FCSK: variants seen among roughly 807,000 people sequenced by gnomAD.
FCSK encodes L-fucose kinase.
A neutral mutation model predicts 122.5 loss-of-function variants in FCSK; 123 were observed. The observed-to-expected ratio is 1.00, with a 90% confidence interval of 0.87 to 1.17. FCSK has a LOEUF of 1.17. FCSK is among the 50% of genes most tolerant of loss of function. The pLI is 0.00. For synonymous variants in FCSK, 620 were observed against 625.5 expected (o/e 0.99, Z 0.13); for missense variants, 1,366 against 1,450.4 (o/e 0.94, Z 0.95).
chr16:70,465,564 G>A (rs2048391346), intron 4 of FCSK, among the ~76,000 whole-genome samples: 2 of 151,610 alleles, frequency 1.3e-5, no homozygotes, highest in Non-Finnish European at 1.5e-5. Context: ...AGGCTGAGGT[G>A]GGAGGATCAC....
rs539854331 is a variant in FCSK, at chr16:70,476,781, G to A, written c.2641+1014G>A. The stretch of plus-strand genomic sequence containing the variant: ...TAATCGGTAGTCATTAGCAAAAGGA[G>A]CAGATGGGGAAGCATTTTCAGTTTT... On this transcript the variant is annotated intron_variant, in intron 20 of 23. Coordinates refer to ENST00000288078, the MANE Select transcript of FCSK (RefSeq NM_145059.3). Among the ~76,000 whole-genome samples, 22 of 152,336 alleles carry A rather than the reference G, an allele frequency of 1.4e-4. No homozygotes were observed. In the South Asian group the frequency reaches 4.3e-3, roughly 30 times the overall value.
rs377718437 is a variant in FCSK, at chr16:70,475,312, C to G, written c.2378-38C>G. On this transcript the variant is annotated intron_variant, in intron 18 of 23. Coordinates refer to ENST00000288078, the MANE Select transcript of FCSK (RefSeq NM_145059.3). ...TGGGTGGGTGCCTGCGTCTGCCCAT[C>G]GAGACTGAATTCCTTTCTCATGCCT... The G allele has an allele frequency of 1.4e-5, 22 of 1,603,182 alleles. No individual in the cohort carries two copies. In the African/African-American group the frequency reaches 2.4e-4, roughly 18 times the overall value.
rs910880859 is a variant in FCSK at position 70,478,175 on chromosome 16, C to T, written c.2642-97C>T. ...GGAGTTGAGGGAAGCTATCTTTCCA[C>T]ACTGGTCCCAGCAAGGGGTGCAGGG... On this transcript the variant is annotated intron_variant, in intron 20 of 23. Coordinates refer to ENST00000288078, the MANE Select transcript of FCSK (RefSeq NM_145059.3). The T allele has an allele frequency of 5.6e-6, 7 of 1,245,618 alleles. No homozygotes were observed. In the African/African-American group the frequency reaches 9.0e-5, roughly 16 times the overall value. 77.2% of individuals were successfully genotyped at this position (1,245,618 alleles called of 1,614,324 possible). A position where few individuals can be genotyped will look rare whatever the true frequency, so the allele number is the denominator to read the frequency against.
chr16:70,470,526 C>G, intron 11 of FCSK, 100 bp downstream of exon 11: 2 of 746,564 alleles, frequency 2.7e-6, no homozygotes, highest in Non-Finnish European at 4.6e-6. Flanking sequence ...ACAGATGACC[C>G]GAGTGCAGGT....
intron 2 of FCSK, 38 bp downstream of exon 2, chr16:70,463,310 A>G (rs771135505): frequency 6.4e-7 from 1 of 1,553,306 alleles, no homozygotes; most frequent in East Asian, 2.3e-5. Flanking sequence ...CCTAATGGAG[A>G]ACCTCCCTCC....
intron 1 of FCSK, among the ~76,000 whole-genome samples, chr16:70,456,264 A>AGCTAT (rs1314890630): frequency 6.6e-6 from 1 of 152,242 alleles, no homozygotes; most frequent in Non-Finnish European, 1.5e-5. Flanking sequence ...CCAACCTAAT[A>AGCTAT]GCTATGTTTC....
At chr16:70,466,628 T>G (rs2048426209) in intron 5 of FCSK, 8 of 530,938 alleles carry the variant, frequency 1.5e-5, no homozygotes, top group Non-Finnish European at 2.7e-5. Context: ...GCCCAGGAGT[T>G]TGAGGCTGCA....
At chr16:70,470,462 G>A in intron 11 of FCSK, 36 bp downstream of exon 11, 2 of 1,345,560 alleles carry the variant, frequency 1.5e-6, no homozygotes, top group Admixed American at 1.8e-5. Flanking sequence ...CCTGCTGGTT[G>A]TCTGGGGTCA....
chr16:70,471,021 G>A lies in FCSK; in HGVS notation c.1119G>A (p.Glu373=), dbSNP rs375278651. 62 of 1,602,856 alleles carry A rather than the reference G, an allele frequency of 3.9e-5. No homozygotes were observed. In the African/African-American group the frequency reaches 7.7e-4, roughly 20 times the overall value. The change falls in exon 12 of 24, where the codon GAG becomes GAA. Residue 373 remains glutamate (E), a synonymous_variant. Transcript: ENST00000288078. ...GCTCTGTGGTCAGCTGCCTGCTGGA[G>A]GGCCCTGTCCAGCTGGGTCCTGGGA... The part of the protein sequence containing the change: ...AGSSVVSCLL[E]GPVQLGPGSV...
At chr16:70,469,451 G>A (rs2048539498) in intron 10 of FCSK, 128 bp downstream of exon 10, 2 of 827,880 alleles carry the variant, frequency 2.4e-6, no homozygotes, top group East Asian at 5.5e-5. Flanking sequence ...CCTGTCCTGT[G>A]CCAGAGCCCC....
At position 70,479,242 on chromosome 16, in the gene FCSK, C is replaced by G. The variant is rs768143099; in HGVS notation, c.2992C>G (p.Pro998Ala). The part of the protein sequence containing the change: ...SYWEQKKLMA[P>A]GCEPLTVRRM... ...CTGGGAGCAGAAGAAGCTCATGGCT[C>G]CAGGCTGTGAGCCCCTGACTGTGCG... Residue 998 changes from proline (P) to alanine (A), a missense_variant, in exon 23 of 24, where the codon CCA (proline) becomes GCA (alanine). Physicochemically the swap from Pro to Ala is conservative, Grantham distance 27. Transcript: ENST00000288078. 1.4e-5 allele frequency: 22 copies of G among 1,613,938 alleles called. No homozygotes were observed. The East Asian group carries it at 4.7e-4, about 34-fold the overall frequency.
chr16:70,471,381 C>T (rs778180569), intron 13 of FCSK, 29 bp downstream of exon 13: 2 of 1,530,956 alleles, frequency 1.3e-6, no homozygotes, highest in Admixed American at 1.9e-5. Flanking sequence ...TTCCCTCACC[C>T]CCATCTTCAG....
chr16:70,458,245 C>T (rs1458222225), intron 1 of FCSK, among the ~76,000 whole-genome samples: 5 of 151,216 alleles, frequency 3.3e-5, no homozygotes, highest in Non-Finnish European at 2.9e-5. Flanking sequence ...CTGCAACCAC[C>T]GCTTCCCAGG....
chr16:70,466,693 G>T (rs1050643428), intron 5 of FCSK, 189 bp from the exon 6 acceptor site: 2 of 590,934 alleles, frequency 3.4e-6, no homozygotes, highest in Non-Finnish European at 6.0e-6. Context: ...AGACCCTGTC[G>T]CAATAACAAC....
chr16:70,464,906 A>G, intron 3 of FCSK: 1 of 873,896 alleles, frequency 1.1e-6, no homozygotes, highest in Non-Finnish European at 1.8e-6. Flanking sequence ...GCAACAAACC[A>G]GCCAGCAAGA....
chr16:70,479,587 G>A lies in FCSK; in HGVS notation c.3162G>A (p.Gly1054=). The A allele has an allele frequency of 6.2e-7, 1 of 1,613,980 alleles. No individual in the cohort carries two copies. The highest frequency in any genetic ancestry group is 1.1e-5 in the South Asian group (1 of 91,032). The change falls in exon 24 of 24, where the codon GGG becomes GGA. Residue 1054 remains glycine, a synonymous_variant. Transcript: ENST00000288078. ...CTTCCTGTCTTGTCCAGGGCCTTGG[G>A]AATTACAGCATCCACCTGGTTGAAG... ...EAVLAKTEGL[G]NYSIHLVEVD...
At chr16:70,463,345 AC>A in intron 2 of FCSK, 73 bp downstream of exon 2, 1 of 1,350,126 alleles carries the variant, frequency 7.4e-7, no homozygotes, top group Non-Finnish European at 1.0e-6. Flanking sequence ...TCCCTCCAAC[AC>A]CAGGTGCCAG....
At chr16:70,464,858 A>G (rs1044655196) in intron 3 of FCSK, among the ~76,000 whole-genome samples, 1 of 152,132 alleles carries the variant, frequency 6.6e-6, no homozygotes, top group Admixed American at 6.6e-5. Context: ...AGACTGGGTG[A>G]CAGAGTGAGA....
chr16:70,475,730 C>A lies in FCSK; in HGVS notation c.2604C>A (p.Ile868=). 2 of 1,602,230 alleles carry A rather than the reference C, an allele frequency of 1.2e-6. No individual in the cohort carries two copies. Among genetic ancestry groups the A allele is most frequent in the Middle Eastern group, 1.7e-4 (1 of 5,948 alleles). The change falls in exon 20 of 24, where the codon ATC becomes ATA. Residue 868 remains isoleucine, a synonymous_variant. Coordinates refer to ENST00000288078, the MANE Select transcript of FCSK (RefSeq NM_145059.3). ...AGRVVGTEAL[I]HAVLHLEQVL... ...GGGTGGTGGGCACGGAAGCCCTGAT[C>A]CACGCAGTGCTGCACCTGGAGCAGG...
Sources: gnomAD v4.1 joint callset for allele counts (sites outside exome capture counted in the v4.1 genomes callset) on GRCh38, gnomAD v4.1.1 for gene constraint, MANE v1.5 for transcripts, NCBI Gene and HGNC (gene_info 2026-07-23, HGNC 2026-07-21) for gene names.